The following MYZAP variants were observed in gnomAD, a reference collection of about 807,000 sequenced individuals.
The protein encoded by MYZAP is GRINL1A complex locus upstream.
In MYZAP, 66 loss-of-function variants were observed where a neutral mutation model predicts 69.4. That is an observed-to-expected ratio of 0.95 (90% CI 0.78 to 1.17). The LOEUF (loss-of-function observed/expected upper bound fraction) is 1.17, where lower values mean the gene tolerates loss of function less well. Among genes scored for constraint, MYZAP ranks in the 50% most tolerant of loss-of-function variants. MYZAP has a pLI of 0.00. For missense variants in MYZAP, 611 were observed against 556.2 expected (o/e 1.10, Z -0.99); for synonymous variants, 256 against 205.9 (o/e 1.24, Z -2.09).
At chr15:57,682,793 T>C (rs2039509881) in intron 12 of MYZAP, among the ~76,000 whole-genome samples, 1 of 152,210 alleles carries the variant, frequency 6.6e-6, no homozygotes, top group South Asian at 2.1e-4. Flanking sequence ...ACAAACTGTG[T>C]GCTCACCCAT....
intron 2 of MYZAP, among the ~76,000 whole-genome samples, chr15:57,615,065 G>A (rs555701003): frequency 9.4e-4 from 143 of 152,220 alleles, no homozygotes; most frequent in Non-Finnish European, 1.6e-3. Context: ...CTGCTCCCCA[G>A]CGGGTAGAGT....
At chr15:57,603,719 TTATC>T (rs1258177988) in intron 1 of MYZAP, among the ~76,000 whole-genome samples, 1 of 152,240 alleles carries the variant, frequency 6.6e-6, no homozygotes. Context: ...AATATTTTGT[TTATC>T]CATTCATCTG....
At chr15:57,608,388 G>A (rs1051424682) in intron 2 of MYZAP, among the ~76,000 whole-genome samples, 3 of 152,210 alleles carry the variant, frequency 2.0e-5, no homozygotes, top group Non-Finnish European at 4.4e-5. Context: ...TTCCACAAAG[G>A]TGTGTTTGGA....
At chr15:57,638,403 C>A (rs2036941671) in intron 9 of MYZAP, among the ~76,000 whole-genome samples, 1 of 152,202 alleles carries the variant, frequency 6.6e-6, no homozygotes, top group Non-Finnish European at 1.5e-5. Flanking sequence ...ACGGTGATAA[C>A]AGTGCCCATC....
intron 1 of MYZAP, among the ~76,000 whole-genome samples, chr15:57,602,623 A>G (rs1262710132): frequency 6.6e-6 from 1 of 152,224 alleles, no homozygotes; most frequent in African/African-American, 2.4e-5. Flanking sequence ...TAGGGAGCCA[A>G]CAGCACTCCC....
At chr15:57,662,916 C>T (rs553294073) in intron 11 of MYZAP, among the ~76,000 whole-genome samples, 5 of 152,338 alleles carry the variant, frequency 3.3e-5, no homozygotes, top group Non-Finnish European at 5.9e-5. Context: ...CCAGATTCAA[C>T]GCCCAAGAGT....
intron 2 of MYZAP, among the ~76,000 whole-genome samples, chr15:57,609,982 G>A (rs1489334682): frequency 6.6e-6 from 1 of 152,176 alleles, no homozygotes; most frequent in Non-Finnish European, 1.5e-5. Context: ...ACCAGCTATT[G>A]CAGACTTAGC....
intron 11 of MYZAP, among the ~76,000 whole-genome samples, chr15:57,667,195 T>C (rs2140577081): frequency 6.6e-6 from 1 of 152,328 alleles, no homozygotes; most frequent in East Asian, 1.9e-4. Context: ...TTCTGTGTAA[T>C]GTTGGAGCGG....
At chr15:57,673,115 G>C (rs529717124) in intron 11 of MYZAP, among the ~76,000 whole-genome samples, 11 of 151,936 alleles carry the variant, frequency 7.2e-5, no homozygotes, top group Admixed American at 5.2e-4. Flanking sequence ...TTTTATTTCT[G>C]TTTCTATGGG....
intron 10 of MYZAP, chr15:57,648,210 A>T (rs756958930): frequency 9.1e-6 from 9 of 985,212 alleles, no homozygotes; most frequent in African/African-American, 3.5e-5. Flanking sequence ...TGTATGTGTT[A>T]TATGTATTAT....
chr15:57,633,840 C>T (rs1462669425), intron 8 of MYZAP, 99 bp downstream of exon 8: 2 of 1,286,884 alleles, frequency 1.6e-6, no homozygotes, highest in Non-Finnish European at 2.0e-6. Context: ...CCTCTCACCT[C>T]CAAAATTTGC....
intron 10 of MYZAP, among the ~76,000 whole-genome samples, chr15:57,659,478 C>T (rs2038170348): frequency 6.6e-6 from 1 of 152,126 alleles, no homozygotes; most frequent in African/African-American, 2.4e-5. Context: ...TCTTTGATTT[C>T]ACACTTGTAT....
intron 6 of MYZAP, among the ~76,000 whole-genome samples, chr15:57,632,178 A>G (rs2036544764): frequency 6.6e-6 from 1 of 152,216 alleles, no homozygotes; most frequent in Non-Finnish European, 1.5e-5. Context: ...ACCTTTTGAA[A>G]AAGTCACTCA....
At chr15:57,653,345 A>G (rs2037822058) in intron 10 of MYZAP, among the ~76,000 whole-genome samples, 1 of 152,222 alleles carries the variant, frequency 6.6e-6, no homozygotes, top group African/African-American at 2.4e-5. Context: ...AGTTCCCCAT[A>G]GAAATCCAGG....
At chr15:57,632,934 A>G (rs1482012722) in intron 7 of MYZAP, among the ~76,000 whole-genome samples, 1 of 152,158 alleles carries the variant, frequency 6.6e-6, no homozygotes, top group Non-Finnish European at 1.5e-5. Context: ...TAAGCTCCCT[A>G]AAAGCCTTAA....
At chr15:57,647,570 G>T in intron 10 of MYZAP, 2 of 985,388 alleles carry the variant, frequency 2.0e-6, no homozygotes, top group Non-Finnish European at 2.4e-6. Flanking sequence ...CTGCTTTCAG[G>T]GTGGTGTGCT....
chr15:57,660,187 A>G (rs547241209), intron 10 of MYZAP, among the ~76,000 whole-genome samples: 33 of 152,274 alleles, frequency 2.2e-4, no homozygotes, highest in Admixed American at 2.0e-3. Context: ...TATTTTGGCC[A>G]GTGTATCTTT....
chr15:57,649,730 T>C (rs796969803), intron 10 of MYZAP, among the ~76,000 whole-genome samples: 8 of 152,320 alleles, frequency 5.3e-5, no homozygotes, highest in African/African-American at 1.9e-4. Flanking sequence ...GGCTGTGTTG[T>C]GTGTCTTGTT....
rs537378113 is a variant in MYZAP at position 57,625,055 on chromosome 15, C to CTTTT, written c.412-712_412-709dup. ...CAACAACAGCAGCAACAAAACAACT[C>CTTTT]TTTTTTTTTTTTTTTAAATGAGACG... On this transcript the variant is annotated intron_variant, in intron 4 of 12. Transcript: ENST00000267853. Among the ~76,000 whole-genome samples, 1,130 of 143,580 alleles carry CTTTT rather than the reference C, an allele frequency of 7.9e-3. 10 individuals are homozygous for CTTTT. Among genetic ancestry groups the CTTTT allele is most frequent in the South Asian group, 0.043 (187 of 4,398 alleles). 94.2% of individuals were successfully genotyped at this position (143,580 alleles called of 152,430 possible). A position where few individuals can be genotyped will look rare whatever the true frequency, so the allele number is the denominator to read the frequency against.
Sources: gnomAD v4.1 joint callset for allele counts (sites outside exome capture counted in the v4.1 genomes callset) on GRCh38, gnomAD v4.1.1 for gene constraint, MANE v1.5 for transcripts, NCBI Gene and HGNC (gene_info 2026-07-23, HGNC 2026-07-21) for gene names.